The following DCC variants were observed in gnomAD, a reference collection of about 807,000 sequenced individuals.
DCC encodes the protein DCC netrin 1 receptor.
In DCC, 58 loss-of-function variants were observed where a neutral mutation model predicts 172.5. That is an observed-to-expected ratio of 0.34 (90% CI 0.27 to 0.42). The LOEUF (loss-of-function observed/expected upper bound fraction) is 0.42. DCC is among the 10% of genes least tolerant of loss of function. DCC has a pLI of 1.00. For missense variants in DCC, 1,740 were observed against 1,791.0 expected (o/e 0.97, Z 0.51); for synonymous variants, 709 against 644.5 (o/e 1.10, Z -1.52).
intron 6 of DCC, among the ~76,000 whole-genome samples, chr18:53,065,387 G>A (rs1451856051): frequency 1.3e-5 from 2 of 152,144 alleles, no homozygotes; most frequent in Admixed American, 1.3e-4. Context: ...GAAAAAGATG[G>A]TGGCTCAATT....
intron 1 of DCC, among the ~76,000 whole-genome samples, chr18:52,426,285 G>A (rs1050666179): frequency 7.0e-6 from 1 of 142,122 alleles, no homozygotes; most frequent in South Asian, 2.3e-4. Context: ...AAAGTCAGCT[G>A]TAGTGCCAGA....
At chr18:53,018,345 A>G (rs1179309262) in intron 5 of DCC, among the ~76,000 whole-genome samples, 3 of 152,194 alleles carry the variant, frequency 2.0e-5, no homozygotes, top group Non-Finnish European at 4.4e-5. Context: ...AATTCTGAAT[A>G]TAAGAATTTA....
Position 52,779,271 on chromosome 18 carries a change from G to A in DCC, c.412+26897G>A, listed in dbSNP as rs9967469. 3.3e-3 allele frequency among the ~76,000 whole-genome samples: 506 copies of A among 152,066 alleles called. 7 individuals carry two copies. Among genetic ancestry groups the A allele is most frequent in the African/African-American group, 0.011 (469 of 41,464 alleles). On this transcript the variant is annotated intron_variant, in intron 2 of 28. Coordinates refer to ENST00000442544, the MANE Select transcript of DCC (RefSeq NM_005215.4). The stretch of plus-strand genomic sequence containing the variant: ...CTGCACCCATCATCCTGTCATCTAC[G>A]TTAGGTATTTCTCCTAATCCTATCC...
intron 14 of DCC, among the ~76,000 whole-genome samples, chr18:53,333,560 A>G (rs2057556931): frequency 6.6e-6 from 1 of 152,180 alleles, no homozygotes. Flanking sequence ...AGAGGAAAAC[A>G]AAGTATCCAG....
intron 2 of DCC, among the ~76,000 whole-genome samples, chr18:52,879,605 T>A (rs1423520359): frequency 1.3e-5 from 2 of 151,846 alleles, no homozygotes; most frequent in African/African-American, 2.4e-5. Context: ...GTAATTGTTT[T>A]ACTTTTAGTA....
intron 2 of DCC, among the ~76,000 whole-genome samples, chr18:52,877,273 T>C (rs895888909): frequency 6.6e-6 from 1 of 152,172 alleles, no homozygotes; most frequent in East Asian, 1.9e-4. Flanking sequence ...CCGTCCCTTG[T>C]TGTCACAACT....
chr18:52,781,059 G>A (rs751372144), intron 2 of DCC, among the ~76,000 whole-genome samples: 32 of 152,052 alleles, frequency 2.1e-4, no homozygotes, highest in Admixed American at 2.0e-3. Flanking sequence ...AAAGACCCAG[G>A]GAAAGTGTCT....
chr18:52,677,082 A>G (rs1175494954), intron 1 of DCC, among the ~76,000 whole-genome samples: 1 of 152,200 alleles, frequency 6.6e-6, no homozygotes, highest in Non-Finnish European at 1.5e-5. Context: ...AACAGCAAAT[A>G]CATTCAGCCA....
At chr18:52,698,515 C>T (rs982180777) in intron 1 of DCC, among the ~76,000 whole-genome samples, 101 of 152,242 alleles carry the variant, frequency 6.6e-4, no homozygotes, top group African/African-American at 2.4e-3. Context: ...TTCTACCCCA[C>T]TGGCAATTCT....
chr18:52,510,774 G>A (rs969328358), intron 1 of DCC, among the ~76,000 whole-genome samples: 2 of 152,132 alleles, frequency 1.3e-5, no homozygotes, highest in African/African-American at 4.8e-5. Context: ...CACTACTTCT[G>A]AGCGTGAAAG....
chr18:52,779,124 A>G (rs79518038), intron 2 of DCC, among the ~76,000 whole-genome samples: 8,035 of 152,220 alleles, frequency 0.053, 288 homozygotes, highest in South Asian at 0.16. Flanking sequence ...TTTCAAGTGT[A>G]TGTTGGCTTC....
intron 5 of DCC, among the ~76,000 whole-genome samples, chr18:52,968,822 C>T (rs528303654): frequency 1.8e-4 from 28 of 152,204 alleles, no homozygotes; most frequent in African/African-American, 6.5e-4. Context: ...AAAATAGCTA[C>T]TTTTTAGTGT....
intron 2 of DCC, among the ~76,000 whole-genome samples, chr18:52,849,253 C>T (rs1457382196): frequency 6.6e-6 from 1 of 152,164 alleles, no homozygotes; most frequent in Non-Finnish European, 1.5e-5. Flanking sequence ...TTCTACTGGA[C>T]TGCTGTTTCC....
At chr18:52,821,889 A>T (rs1025550026) in intron 2 of DCC, among the ~76,000 whole-genome samples, 3 of 152,228 alleles carry the variant, frequency 2.0e-5, no homozygotes, top group Non-Finnish European at 4.4e-5. Context: ...TCATTTAAAC[A>T]GTCATGTATT....
intron 9 of DCC, among the ~76,000 whole-genome samples, chr18:53,186,547 TAGAA>T (rs2055285022): frequency 6.6e-6 from 1 of 152,114 alleles, no homozygotes; most frequent in Non-Finnish European, 1.5e-5. Context: ...AGGGTAAAGA[TAGAA>T]AGGAATAAGG....
At chr18:53,158,094 T>C (rs753800652) in intron 8 of DCC, among the ~76,000 whole-genome samples, 20 of 152,054 alleles carry the variant, frequency 1.3e-4, no homozygotes, top group Non-Finnish European at 2.8e-4. Context: ...CCCATAAATA[T>C]GTACATCTAT....
At chr18:53,304,363 CT>C (rs947786960) in intron 12 of DCC, among the ~76,000 whole-genome samples, 2 of 151,308 alleles carry the variant, frequency 1.3e-5, no homozygotes, top group South Asian at 4.2e-4. Context: ...GATATGACTG[CT>C]TTTTTTTTCT....
At chr18:52,435,418 A>G (rs1054933505) in intron 1 of DCC, among the ~76,000 whole-genome samples, 14 of 152,036 alleles carry the variant, frequency 9.2e-5, no homozygotes, top group African/African-American at 1.9e-4. Context: ...TAAGATCTCC[A>G]TATCTCCCGT....
chr18:52,843,369 G>A (rs1437854935), intron 2 of DCC, among the ~76,000 whole-genome samples: 2 of 152,000 alleles, frequency 1.3e-5, no homozygotes, highest in South Asian at 2.1e-4. Flanking sequence ...ACCTATATTT[G>A]GATGCTAGAG....
Sources: allele counts gnomAD v4.1 joint callset (sites outside exome capture counted in the v4.1 genomes callset), GRCh38; gene constraint gnomAD v4.1.1; transcripts MANE v1.5; gene names NCBI Gene and HGNC (gene_info 2026-07-23, HGNC 2026-07-21).